Variants in LILRA4 observed in about 807,000 individuals in gnomAD.
LILRA4 encodes leukocyte immunoglobulin like receptor A4.
In LILRA4, 51 loss-of-function variants were observed where a neutral mutation model predicts 49.5. The ratio of observed to expected loss-of-function variants is 1.03; its 90% CI spans 0.82 to 1.30. The LOEUF (loss-of-function observed/expected upper bound fraction) is 1.30. Among genes scored for constraint, LILRA4 ranks in the 50% most tolerant of loss-of-function variants. The probability of loss-of-function intolerance (pLI) is 0.00; values close to 1 mark genes in which losing one functional copy is unlikely to be tolerated. For synonymous variants in LILRA4, 272 were observed against 265.6 expected (o/e 1.02, Z -0.23); for missense variants, 624 against 625.6 (o/e 1.00, Z 0.03).
chr19:54,333,385 A>G lies in LILRA4; in HGVS notation c.*187T>C. On this transcript the variant is annotated 3_prime_UTR_variant, in exon 8 of 8. Coordinates refer to ENST00000291759, the MANE Select transcript of LILRA4 (RefSeq NM_012276.5). ...GTGAAGCCTTACATCATAGGGAAGA[A>G]AAACGAAGGAAGGGGCAGTCAAGGA... The G allele has an allele frequency of 7.7e-6, 5 of 646,376 alleles. No homozygotes were observed. The highest frequency in any genetic ancestry group is 1.3e-5 in the Non-Finnish European group (5 of 380,066). 40.0% of individuals were successfully genotyped at this position (646,376 alleles called of 1,614,324 possible).
rs2081297923 is a variant in LILRA4, at chr19:54,333,947, T to C, written c.1274A>G (p.Asn425Ser). ...GGAATCTGACTTCTTTTGTGCTGGA[T>C]TGAGGGTCTCAGTTGCTCCTAAGAA... is the stretch of plus-strand genomic sequence containing the variant. ...LVVSGATETL[N>S]PAQKKSDSKT... is the part of the protein sequence containing the mutation. The change falls in exon 7 of 8, where the codon AAT becomes AGT. Residue 425 changes from asparagine (N) to serine (S), a missense_variant. Asn to Ser is a conservative substitution (Grantham distance 46, BLOSUM62 1). Transcript: ENST00000291759. 5 of 1,614,090 alleles carry C rather than the reference T, an allele frequency of 3.1e-6. No individual in the cohort carries two copies. The highest frequency in any genetic ancestry group is 2.2e-5 in the East Asian group (1 of 44,880).
chr19:54,336,431 A>T, intron 6 of LILRA4: 1 of 245,304 alleles, frequency 4.1e-6, no homozygotes, highest in Non-Finnish European at 7.8e-6. Flanking sequence ...CCTCAGTCTA[A>T]TCTCATCTCC....
chr19:54,338,573 G>C lies in LILRA4; in HGVS notation c.178C>G (p.Leu60Val), dbSNP rs1328905277. 9.3e-6 allele frequency: 15 copies of C among 1,614,010 alleles called. No individual in the cohort carries two copies. Among genetic ancestry groups the C allele is most frequent in the Non-Finnish European group, 1.3e-5 (15 of 1,180,026 alleles). Residue 60 changes from leucine to valine, a missense_variant, in exon 3 of 8, where the codon CTG (leucine) becomes GTG (valine). Leu to Val is a conservative substitution (Grantham distance 32). Transcript: ENST00000291759. Reference sequence around the variant, plus strand: ...GACATTGAGTTTCCCTCTTTATCCAGACGGTACCCCTGGGCCTCCAGGGTG... The same window carrying C: ...GACATTGAGTTTCCCTCTTTATCCACACGGTACCCCTGGGCCTCCAGGGTG... The part of the protein sequence containing the change: ...QGTLEAQGYR[L>V]DKEGNSMSRH...
At chr19:54,334,737 C>G (rs188335892) in intron 6 of LILRA4, 1 of 151,018 alleles carries the variant, frequency 6.6e-6, no homozygotes, top group Non-Finnish European at 1.5e-5. Flanking sequence ...GAGGCTGAGG[C>G]GGGCGGATCA....
At chr19:54,334,059 C>T in intron 6 of LILRA4, 94 bp from the exon 7 acceptor site, 1 of 1,032,078 alleles carries the variant, frequency 9.7e-7, no homozygotes, top group Non-Finnish European at 1.5e-6. Flanking sequence ...CATGGTGTGA[C>T]TTTATGTAGA....
Position 54,337,653 on chromosome 19 carries a change from G to A in LILRA4, c.699C>T (p.Val233=), listed in dbSNP as rs564361750. 5.0e-6 allele frequency: 8 copies of A among 1,613,444 alleles called. No homozygotes were observed. The highest frequency in any genetic ancestry group is 1.3e-5 in the African/African-American group (1 of 75,002). ...GGGTCAGATTCTCTCCGGGGGTCAC[G>A]ACAGGGCCCTGCAGGGTCAGGAGGG... ...KPSLLTLQGP[V]VTPGENLTLQ... is the part of the protein sequence containing the mutation. Residue 233 remains valine, a synonymous_variant, in exon 5 of 8, where the codon GTC becomes GTT. Coordinates refer to ENST00000291759, the MANE Select transcript of LILRA4 (RefSeq NM_012276.5).
In LILRA4 at chr19:54,338,102, G is replaced by A; in HGVS notation, c.489C>T (p.Ser163=). 1 of 1,614,126 alleles carries A rather than the reference G, an allele frequency of 6.2e-7. No individual in the cohort carries two copies. The highest frequency in any genetic ancestry group is 2.2e-5 in the East Asian group (1 of 44,870). The part of the protein sequence containing the change: ...TLIEEGDHRL[S]WTLNSHQHNH... ...TGTGTTGGTGTGAGTTCAGGGTCCA[G>A]GAGAGCCTGTGGTCTCCTTCCTCAA... is the stretch of plus-strand genomic sequence containing the variant. The change falls in exon 4 of 8, where the codon TCC becomes TCT. Residue 163 remains serine, a synonymous_variant. Transcript: ENST00000291759.
intron 6 of LILRA4, chr19:54,334,285 A>G (rs977792708): frequency 1.0e-4 from 30 of 299,846 alleles, no homozygotes; most frequent in African/African-American, 6.1e-4. Flanking sequence ...AATCTTGTGC[A>G]ACAAGAACAC....
At chr19:54,338,998 T>A in intron 1 of LILRA4, 62 bp downstream of exon 1, 1 of 1,612,590 alleles carries the variant, frequency 6.2e-7, no homozygotes, top group Non-Finnish European at 8.5e-7. Context: ...GACTAAGGCA[T>A]GGCTATGGAT....
At chr19:54,335,793 C>T (rs2081317442) in intron 6 of LILRA4, 1 of 152,234 alleles carries the variant, frequency 6.6e-6, no homozygotes, top group Non-Finnish European at 1.5e-5. Context: ...GCCATCGTGC[C>T]CGGCCTCAGG....
rs753988713 is a variant in LILRA4, at chr19:54,337,507, A to T, written c.845T>A (p.Leu282Gln). ...CCCGTAGGAGCGGCTCACAGGGCTCAGGGTGAAGTTGGCCTGGGAGAGCCC... is the reference window on the plus strand; with the variant it reads ...CCCGTAGGAGCGGCTCACAGGGCTCTGGGTGAAGTTGGCCTGGGAGAGCCC... The part of the protein sequence containing the change: ...QAGLSQANFT[L>Q]SPVSRSYGGQ... The change falls in exon 5 of 8, where the codon CTG (leucine) becomes CAG (glutamine). Residue 282 changes from leucine to glutamine, a missense_variant. Leu to Gln is a moderately radical substitution (Grantham distance 113). Transcript: ENST00000291759. The T allele has an allele frequency of 6.2e-7, 1 of 1,612,758 alleles. No individual in the cohort carries two copies. The highest frequency in any genetic ancestry group is 1.1e-5 in the South Asian group (1 of 91,022).
rs111452211 is a variant in LILRA4 at position 54,333,758 on chromosome 19, G to C, written c.1314C>G (p.His438Gln). ...GATTCTCCACTGTGTAATCCTGGAG[G>C]TGTGGGGCTAGGGATGGTGGACAAA... ...QKKSDSKTAPHLQDYTVENLI... is the reference protein window; with the variant it reads ...QKKSDSKTAPQLQDYTVENLI... Residue 438 changes from histidine to glutamine, a missense_variant, in exon 8 of 8, where the codon CAC becomes CAG. Coordinates refer to ENST00000291759, the MANE Select transcript of LILRA4 (RefSeq NM_012276.5). The C allele has an allele frequency of 6.2e-7, 1 of 1,614,126 alleles. No homozygotes were observed. Among genetic ancestry groups the C allele is most frequent in the Non-Finnish European group, 8.5e-7 (1 of 1,180,022 alleles).
chr19:54,336,856 C>G lies in LILRA4; in HGVS notation c.1240G>C (p.Glu414Gln), dbSNP rs1222896096. ...YLLSHPSEPL[E>Q]LVVSGATETL... The stretch of plus-strand genomic sequence containing the variant: ...GCGCCCTCACCTGAGACCACGAGCT[C>G]CAGGGGCTCACTGGGGTGAGACAGC... Residue 414 changes from glutamate (E) to glutamine (Q), a missense_variant, in exon 6 of 8, where the codon GAG becomes CAG. Glu to Gln is a conservative substitution (Grantham distance 29). Coordinates refer to ENST00000291759, the MANE Select transcript of LILRA4 (RefSeq NM_012276.5). 1 of 1,614,226 alleles carries G rather than the reference C, an allele frequency of 6.2e-7. No individual in the cohort carries two copies. The highest frequency in any genetic ancestry group is 2.2e-5 in the East Asian group (1 of 44,870).
At chr19:54,334,040 T>C in intron 6 of LILRA4, 75 bp from the exon 7 acceptor site, 1 of 1,197,540 alleles carries the variant, frequency 8.4e-7, no homozygotes, top group Non-Finnish European at 1.2e-6. Flanking sequence ...CTTATATTCC[T>C]CCACCTCTCA....
rs12985462 is a variant in LILRA4 at position 54,337,470 on chromosome 19, T to C, written c.882A>G (p.Arg294=). ...AGGAGACGTTGTGTGCGCCGTAGCA[T>C]CTGTACTGGCCCCCGTAGGAGCGGC... ...PVSRSYGGQY[R]CYGAHNVSSE... Residue 294 remains arginine (R), a synonymous_variant, in exon 5 of 8, where the codon AGA becomes AGG. Transcript: ENST00000291759. 294,884 of 1,611,848 alleles carry C rather than the reference T, an allele frequency of 0.18. 28,717 individuals carry two copies. The highest frequency in any genetic ancestry group is 0.27 in the East Asian group (12,015 of 44,830).
chr19:54,337,951 G>C lies in LILRA4; in HGVS notation c.640C>G (p.Gln214Glu). ...GCTTCCTCACCTGACACCAGTAGCT[G>C]CAGGGGGTCACTGGGTTCCGACCAC... ...YVWSEPSDPLQLLVSGVSRKP... is the reference protein window; with the variant it reads ...YVWSEPSDPLELLVSGVSRKP... The change falls in exon 4 of 8, where the codon CAG becomes GAG. Residue 214 changes from glutamine (Q) to glutamate (E), a missense_variant. Gln to Glu is a conservative substitution (Grantham distance 29, BLOSUM62 2). Coordinates refer to ENST00000291759, the MANE Select transcript of LILRA4 (RefSeq NM_012276.5). The C allele has an allele frequency of 1.2e-6, 2 of 1,610,110 alleles. No homozygotes were observed. The highest frequency in any genetic ancestry group is 1.7e-6 in the Non-Finnish European group (2 of 1,178,162).
At chr19:54,336,711 A>T in intron 6 of LILRA4, 130 bp downstream of exon 6, 2 of 1,390,416 alleles carry the variant, frequency 1.4e-6, no homozygotes, top group Non-Finnish European at 1.9e-6. Context: ...GGGCTCACAA[A>T]GGCCGGGGCT....
chr19:54,337,587 C>A lies in LILRA4; in HGVS notation c.765G>T (p.Leu255=). The part of the protein sequence containing the change: ...GSDVGYIRYT[L]YKEGADGLPQ... ...GGAGGCCATCGGCCCCCTCCTTGTA[C>A]AGAGTGTATCTGATGTAGCCGACAT... Residue 255 remains leucine (L), a synonymous_variant, in exon 5 of 8, where the codon CTG becomes CTT. Transcript: ENST00000291759. 4 of 1,613,608 alleles carry A rather than the reference C, an allele frequency of 2.5e-6. No homozygotes were observed. The highest frequency in any genetic ancestry group is 1.1e-5 in the South Asian group (1 of 91,050).
chr19:54,339,097 A>T lies in LILRA4; in HGVS notation c.-4T>A, dbSNP rs1360669416. 1 of 1,614,014 alleles carries T rather than the reference A, an allele frequency of 6.2e-7. No individual in the cohort carries two copies. The highest frequency in any genetic ancestry group is 1.3e-5 in the African/African-American group (1 of 74,900). On this transcript the variant is annotated 5_prime_UTR_variant, in exon 1 of 8. The change abolishes an upstream ATG in the 5' untranslated region. Transcript: ENST00000291759. ...GGCTTGTGAGAATGAGGGTCATGGC[A>T]TCTCCTCCTCCTGGCCCTGGCTGTG...
Sources: gnomAD v4.1 joint callset for allele counts on GRCh38, gnomAD v4.1.1 for gene constraint, MANE v1.5 for transcripts, NCBI Gene and HGNC (gene_info 2026-07-23, HGNC 2026-07-21) for gene names.